Variants in TULP4 observed in about 807,000 individuals in gnomAD.
TULP4 encodes TUB like protein 4.
Under a neutral mutation model 129.0 loss-of-function variants are expected in TULP4, and 16 were observed. The observed-to-expected ratio is 0.12, with a 90% CI of 0.08 to 0.19. TULP4 has a LOEUF of 0.19. Ranked by LOEUF, TULP4 falls within the 10% of genes least tolerant of loss-of-function variation. TULP4 has a pLI of 1.00. For missense variants in TULP4, 1,842 were observed against 2,059.1 expected (o/e 0.89, Z 2.04); for synonymous variants, 998 against 854.0 (o/e 1.17, Z -2.94).
intron 2 of TULP4, among the ~76,000 whole-genome samples, chr6:158,417,362 G>A (rs910272344): frequency 2.0e-5 from 3 of 152,128 alleles, no homozygotes; most frequent in Non-Finnish European, 2.9e-5. Flanking sequence ...AGCTTCCCTG[G>A]GCCACAGAAC....
chr6:158,361,406 G>GCAAT (rs1163843171), intron 1 of TULP4, among the ~76,000 whole-genome samples: 2 of 152,198 alleles, frequency 1.3e-5, no homozygotes, highest in Non-Finnish European at 2.9e-5. Flanking sequence ...TTTAAAAATA[G>GCAAT]CAATGTGTTG....
Position 158,493,318 on chromosome 6 carries a change from T to C in TULP4, c.1632-255T>C, listed in dbSNP as rs1780257297. Reference sequence around the variant, plus strand: ...CCTCAGCCTCCCAAGCAGCTGGGACTGCAGGTGTGTGCCACCACACCCAGT... The same window carrying C: ...CCTCAGCCTCCCAAGCAGCTGGGACCGCAGGTGTGTGCCACCACACCCAGT... On this transcript the variant is annotated intron_variant, in intron 9 of 13. Coordinates refer to ENST00000367097, the MANE Select transcript of TULP4 (RefSeq NM_020245.5). The surrounding 1 kb of genome is among the most constrained non-coding windows in gnomAD (Gnocchi z 4.4). Among the ~76,000 whole-genome samples the C allele has an allele frequency of 6.6e-6, 1 of 152,234 alleles. No individual in the cohort carries two copies. Among genetic ancestry groups the C allele is most frequent in the African/African-American group, 2.4e-5 (1 of 41,458 alleles).
At chr6:158,422,347 A>G (rs1012632000) in intron 2 of TULP4, among the ~76,000 whole-genome samples, 1 of 152,224 alleles carries the variant, frequency 6.6e-6, no homozygotes, top group African/African-American at 2.4e-5. Flanking sequence ...CAGGTAGTTC[A>G]ATGGGGGAAA....
At chr6:158,406,508 G>A (rs1176964686) in intron 1 of TULP4, among the ~76,000 whole-genome samples, 1 of 152,178 alleles carries the variant, frequency 6.6e-6, no homozygotes, top group Non-Finnish European at 1.5e-5. Flanking sequence ...CAGCTATGAT[G>A]AGTGGAAAAG....
At chr6:158,454,558 T>C (rs1779249177) in intron 5 of TULP4, among the ~76,000 whole-genome samples, 1 of 152,142 alleles carries the variant, frequency 6.6e-6, no homozygotes, top group African/African-American at 2.4e-5. Context: ...TATGGAAACT[T>C]TATTTTTTAT....
intron 3 of TULP4, among the ~76,000 whole-genome samples, chr6:158,443,195 G>T (rs957289653): frequency 6.6e-6 from 1 of 152,116 alleles, no homozygotes; most frequent in African/African-American, 2.4e-5. Context: ...TGTTGGTCAG[G>T]ATGGTCTCGA....
At chr6:158,289,307 A>C (rs891039788) in intron 1 of TULP4, among the ~76,000 whole-genome samples, 1 of 152,030 alleles carries the variant, frequency 6.6e-6, no homozygotes, top group Non-Finnish European at 1.5e-5. Context: ...GTCTTTATCT[A>C]TCTTGCCAGA....
At chr6:158,504,745 G>C (rs1040254476) in intron 13 of TULP4, among the ~76,000 whole-genome samples, 1 of 151,960 alleles carries the variant, frequency 6.6e-6, no homozygotes, top group Non-Finnish European at 1.5e-5. Flanking sequence ...TCCTGCCTCA[G>C]CCTCTCAAGA....
intron 1 of TULP4, among the ~76,000 whole-genome samples, chr6:158,286,978 A>G (rs1409373106): frequency 2.0e-5 from 3 of 152,228 alleles, no homozygotes; most frequent in Non-Finnish European, 4.4e-5. Flanking sequence ...GCTTCTTCCT[A>G]CATTTAATGG....
chr6:158,433,967 C>T (rs918607560), intron 3 of TULP4, among the ~76,000 whole-genome samples: 2 of 152,160 alleles, frequency 1.3e-5, no homozygotes, highest in Non-Finnish European at 2.9e-5. Context: ...GCTAGAAGTC[C>T]AAGATCAAGG....
intron 1 of TULP4, among the ~76,000 whole-genome samples, chr6:158,390,971 G>C (rs1286784043): frequency 6.6e-6 from 1 of 152,162 alleles, no homozygotes; most frequent in African/African-American, 2.4e-5. Flanking sequence ...CTGTAGTCTG[G>C]AAGGCTGAGG....
upstream of TULP4, among the ~76,000 whole-genome samples, chr6:158,280,629 T>G (rs1255113536): frequency 6.6e-6 from 1 of 152,278 alleles, no homozygotes; most frequent in Non-Finnish European, 1.5e-5. Context: ...GAGACAAGTC[T>G]GCAAGCCTAG....
At chr6:158,435,678 G>A (rs930863068) in intron 3 of TULP4, among the ~76,000 whole-genome samples, 2 of 151,816 alleles carry the variant, frequency 1.3e-5, no homozygotes, top group African/African-American at 4.8e-5. Context: ...CGCGCTCATC[G>A]CTCTTGTCCT....
At chr6:158,393,758 T>A (rs180768350) in intron 1 of TULP4, among the ~76,000 whole-genome samples, 164 of 152,308 alleles carry the variant, frequency 1.1e-3, no homozygotes, top group African/African-American at 3.8e-3. Flanking sequence ...GCCCACTAAT[T>A]CATTTTTTCT....
At chr6:158,403,925 A>G (rs1433995035) in intron 1 of TULP4, among the ~76,000 whole-genome samples, 1 of 152,188 alleles carries the variant, frequency 6.6e-6, no homozygotes, top group Non-Finnish European at 1.5e-5. Context: ...TGCCACTACC[A>G]TGTGGCTATG....
chr6:158,341,844 T>C (rs1412846926), intron 1 of TULP4, among the ~76,000 whole-genome samples: 1 of 152,188 alleles, frequency 6.6e-6, no homozygotes, highest in East Asian at 1.9e-4. Flanking sequence ...TGCAAATACT[T>C]TCTCCCATTC....
rs34836137 is a variant in TULP4 at position 158,305,324 on chromosome 6, CGTGTGTGTGTGTGTGT to C, written n.117-6702_117-6687del. 3.7e-3 allele frequency among the ~76,000 whole-genome samples: 524 copies of C among 141,844 alleles called. 5 individuals carry two copies. The highest frequency in any genetic ancestry group is 0.013 in the African/African-American group (477 of 37,910). The allele number at this position is 141,844 out of a possible 152,430, so 93.1% of individuals were successfully genotyped here. A position where few individuals can be genotyped will look rare whatever the true frequency, so the allele number is the denominator to read the frequency against. On this transcript the variant is annotated intron_variant and non_coding_transcript_variant, in intron 1 of 1. Coordinates refer to the TULP4 transcript ENST00000432358. ...GCTGAATGATATTTCATTCTGTGTG[CGTGTGTGTGTGTGTGT>C]GTGTGTGTGTGTGTGTGTGTGTGTA... is the stretch of plus-strand genomic sequence containing the variant.
At chr6:158,279,159 G>T (rs1246626740), upstream of TULP4, among the ~76,000 whole-genome samples, 1 of 151,814 alleles carries the variant, frequency 6.6e-6, no homozygotes, top group East Asian at 1.9e-4. Context: ...AACCAGGATG[G>T]TCTCGATCTC....
intron 1 of TULP4, among the ~76,000 whole-genome samples, chr6:158,264,181 G>T (rs148115247): frequency 6.6e-6 from 1 of 152,212 alleles, no homozygotes; most frequent in Non-Finnish European, 1.5e-5. Flanking sequence ...TTGGGCAGGC[G>T]CAGAGGAAGT....
Sources: allele counts gnomAD v4.1 joint callset (sites outside exome capture counted in the v4.1 genomes callset), GRCh38; gene constraint gnomAD v4.1.1; non-coding constraint Gnocchi (gnomAD v3.1); transcripts MANE v1.5; gene names NCBI Gene and HGNC (gene_info 2026-07-23, HGNC 2026-07-21).